The following CA8 variants were observed in gnomAD, a reference collection of about 807,000 sequenced individuals.
CA8 encodes the protein carbonic anhydrase-related protein.
A neutral mutation model predicts 41.4 loss-of-function variants in CA8; 22 were observed. The observed-to-expected ratio is 0.53, with a 90% CI of 0.38 to 0.76. The LOEUF (loss-of-function observed/expected upper bound fraction) is 0.76, where lower values mean the gene tolerates loss of function less well. CA8 is among the 30% of genes least tolerant of loss of function. The pLI, the probability that CA8 is intolerant of heterozygous loss-of-function variation, is 0.00. For synonymous variants in CA8, 121 were observed against 130.6 expected (o/e 0.93, Z 0.50); for missense variants, 270 against 352.8 (o/e 0.77, Z 1.88).
intron 2 of CA8, among the ~76,000 whole-genome samples, chr8:60,266,383 G>A (rs554600493): frequency 8.6e-4 from 131 of 152,284 alleles, no homozygotes; most frequent in African/African-American, 2.9e-3. Flanking sequence ...GCACTGATCA[G>A]GAGACAAAAA....
intron 5 of CA8, among the ~76,000 whole-genome samples, chr8:60,225,389 G>C (rs1368951902): frequency 6.6e-6 from 1 of 152,136 alleles, no homozygotes. Context: ...AAAGAATCTA[G>C]CTTACTTGCC....
At chr8:60,233,426 G>A (rs1807726853) in intron 3 of CA8, among the ~76,000 whole-genome samples, 1 of 152,152 alleles carries the variant, frequency 6.6e-6, no homozygotes, top group African/African-American at 2.4e-5. Flanking sequence ...GGGAGCTAAT[G>A]AAGTCCTCTA....
chr8:60,231,811 G>T (rs538865515), intron 4 of CA8, among the ~76,000 whole-genome samples: 2 of 152,228 alleles, frequency 1.3e-5, no homozygotes, highest in East Asian at 3.9e-4. Context: ...GACTATATCT[G>T]CCAAGGTCTT....
intron 4 of CA8, among the ~76,000 whole-genome samples, chr8:60,227,632 T>C (rs1309948411): frequency 1.3e-5 from 2 of 152,182 alleles, no homozygotes; most frequent in Admixed American, 1.3e-4. Context: ...ATCATTGCTA[T>C]AAAGATTTTA....
rs573932457 is a variant in CA8 at position 60,204,798 on chromosome 8, T to A, written c.*35+3952A>T. Among the ~76,000 whole-genome samples the A allele has an allele frequency of 2.6e-5, 4 of 152,328 alleles. No individual in the cohort carries two copies. The East Asian group carries it at 7.7e-4, about 29-fold the overall frequency. ...AGAGGAGAGTCCAAGTTCTACTGAC[T>A]GAAAATATGGCTTTGAGCTTTCCAT... On this transcript the variant is annotated intron_variant, in intron 8 of 8. Coordinates refer to ENST00000317995, the MANE Select transcript of CA8 (RefSeq NM_004056.6).
At chr8:60,232,443 G>GAT in intron 3 of CA8, 64 bp from the exon 4 acceptor site, 1 of 1,084,832 alleles carries the variant, frequency 9.2e-7, no homozygotes, top group Non-Finnish European at 1.4e-6. Context: ...TAAAAGCAAA[G>GAT]ATATAGCCAT....
At chr8:60,239,031 G>A (rs1807928938) in intron 3 of CA8, among the ~76,000 whole-genome samples, 1 of 152,198 alleles carries the variant, frequency 6.6e-6, no homozygotes, top group South Asian at 2.1e-4. Flanking sequence ...GAAAAAGGAA[G>A]AGAAAGAGGG....
chr8:60,196,376 T>C lies in CA8; in HGVS notation c.*36-6391A>G, dbSNP rs574942227. Among the ~76,000 whole-genome samples, 10 of 152,236 alleles carry C rather than the reference T, an allele frequency of 6.6e-5. No homozygotes were observed. The South Asian group carries it at 1.7e-3, about 25-fold the overall frequency. On this transcript the variant is annotated intron_variant, in intron 8 of 8. Coordinates refer to ENST00000317995, the MANE Select transcript of CA8 (RefSeq NM_004056.6). Reference sequence around the variant, plus strand: ...TATAACTCTTACTATATCCACTTCATAGATGAGGAAACTAGGGCTGAAAGA... The same window carrying C: ...TATAACTCTTACTATATCCACTTCACAGATGAGGAAACTAGGGCTGAAAGA...
At chr8:60,230,872 C>A (rs1807624030) in intron 4 of CA8, among the ~76,000 whole-genome samples, 2 of 152,176 alleles carry the variant, frequency 1.3e-5, no homozygotes, top group Non-Finnish European at 2.9e-5. Context: ...AGTGAAAATA[C>A]TAAGTTATCA....
intron 4 of CA8, 58 bp downstream of exon 4, chr8:60,232,226 A>C (rs954806449): frequency 1.6e-5 from 22 of 1,355,270 alleles, no homozygotes; most frequent in Admixed American, 6.7e-5. Flanking sequence ...AAAATTTTAC[A>C]AAATGATTTA....
At chr8:60,267,631 A>G (rs1340671928) in intron 2 of CA8, among the ~76,000 whole-genome samples, 9 of 152,180 alleles carry the variant, frequency 5.9e-5, no homozygotes, top group Admixed American at 5.9e-4. Context: ...TCAGCCTCCT[A>G]GCAGGCTCCA....
At chr8:60,272,524 G>T (rs1199679658) in intron 2 of CA8, among the ~76,000 whole-genome samples, 1 of 152,090 alleles carries the variant, frequency 6.6e-6, no homozygotes, top group East Asian at 1.9e-4. Context: ...ACATACTGAA[G>T]GATTGGCCTT....
rs1288680137 is a variant in CA8 at position 60,186,842 on chromosome 8, GA to G, written c.*3178del. 2.0e-5 allele frequency among the ~76,000 whole-genome samples: 3 copies of G among 151,884 alleles called. No individual in the cohort carries two copies. Among genetic ancestry groups the G allele is most frequent in the Non-Finnish European group, 4.4e-5 (3 of 67,864 alleles). On this transcript the variant is annotated 3_prime_UTR_variant, in exon 9 of 9. Transcript: ENST00000317995. ...GGACAAAAGTCCCAAAATGAATGTA[GA>G]AAAAAACTGACAGAATTGAAGGAAG...
chr8:60,203,529 T>G (rs1172688607), intron 8 of CA8, among the ~76,000 whole-genome samples: 1 of 152,182 alleles, frequency 6.6e-6, no homozygotes, highest in Non-Finnish European at 1.5e-5. Context: ...AAATCCTATT[T>G]TGATTCTATT....
At chr8:60,232,241 T>G in intron 4 of CA8, 43 bp downstream of exon 4, 2 of 1,426,462 alleles carry the variant, frequency 1.4e-6, no homozygotes, top group Non-Finnish European at 2.0e-6. Context: ...GATTTAGAAA[T>G]TAGCATCTCT....
At chr8:60,257,331 A>ACAATCC (rs1270211386) in intron 3 of CA8, among the ~76,000 whole-genome samples, 1 of 152,120 alleles carries the variant, frequency 6.6e-6, no homozygotes, top group Non-Finnish European at 1.5e-5. Context: ...TTTTATCCTC[A>ACAATCC]CAATCCCAAT....
chr8:60,254,824 C>A (rs1246587648), intron 3 of CA8, among the ~76,000 whole-genome samples: 5 of 152,098 alleles, frequency 3.3e-5, no homozygotes, highest in African/African-American at 1.2e-4. Flanking sequence ...ATTCAAAATC[C>A]CTGTTTACCA....
intron 2 of CA8, among the ~76,000 whole-genome samples, chr8:60,266,454 C>T (rs1803904319): frequency 1.3e-5 from 2 of 152,298 alleles, no homozygotes; most frequent in East Asian, 1.9e-4. Flanking sequence ...AATTAAACCA[C>T]GTTTGCAGAT....
chr8:60,251,226 T>C (rs938187581), intron 3 of CA8, among the ~76,000 whole-genome samples: 1 of 152,126 alleles, frequency 6.6e-6, no homozygotes, highest in Non-Finnish European at 1.5e-5. Context: ...ACACAGGACA[T>C]AGCAAAGGCA....
Sources: allele counts gnomAD v4.1 joint callset (sites outside exome capture counted in the v4.1 genomes callset), GRCh38; gene constraint gnomAD v4.1.1; transcripts MANE v1.5; gene names NCBI Gene and HGNC (gene_info 2026-07-23, HGNC 2026-07-21).